The following MAGI2 variants were observed in gnomAD, a reference collection of about 807,000 sequenced individuals.
MAGI2 encodes the protein membrane-associated guanylate kinase, WW and PDZ domain-containing protein 2.
MAGI2 carries 35 observed loss-of-function variants against 133.3 expected under a neutral mutation model. That is an observed-to-expected ratio of 0.26 (90% CI 0.20 to 0.35). The LOEUF is 0.35. Ranked by LOEUF, MAGI2 falls within the 10% of genes least tolerant of loss-of-function variation. The pLI is 1.00. For synonymous variants in MAGI2, 729 were observed against 710.6 expected (o/e 1.03, Z -0.41); for missense variants, 1,636 against 1,863.4 (o/e 0.88, Z 2.25).
At chr7:78,689,252 T>G (rs1055830521) in intron 2 of MAGI2, among the ~76,000 whole-genome samples, 2 of 152,178 alleles carry the variant, frequency 1.3e-5, no homozygotes, top group African/African-American at 4.8e-5. Flanking sequence ...CTCTAGTTCA[T>G]AGATTATAAC....
chr7:78,149,296 C>T (rs1563183857), intron 16 of MAGI2, among the ~76,000 whole-genome samples: 1 of 152,108 alleles, frequency 6.6e-6, no homozygotes. Flanking sequence ...TAGGGAATGC[C>T]TAATGTATCC....
chr7:79,026,051 A>G (rs1809852843), intron 1 of MAGI2, among the ~76,000 whole-genome samples: 1 of 152,186 alleles, frequency 6.6e-6, no homozygotes, highest in African/African-American at 2.4e-5. Context: ...GGTGCATTCA[A>G]TTGTCCTTAC....
At chr7:79,451,719 C>T (rs764386029) in intron 1 of MAGI2, among the ~76,000 whole-genome samples, 15 of 152,138 alleles carry the variant, frequency 9.9e-5, no homozygotes, top group Non-Finnish European at 2.2e-4. Context: ...AGTAGTTGAT[C>T]ATGATTAAGC....
At chr7:78,994,332 G>A (rs773340484) in intron 2 of MAGI2, among the ~76,000 whole-genome samples, 10 of 152,116 alleles carry the variant, frequency 6.6e-5, no homozygotes, top group Non-Finnish European at 1.2e-4. Flanking sequence ...GAGGAGACAT[G>A]CTGCTGTTAA....
intron 6 of MAGI2, among the ~76,000 whole-genome samples, chr7:78,443,874 T>A (rs767672002): frequency 1.3e-5 from 2 of 152,128 alleles, no homozygotes; most frequent in Non-Finnish European, 2.9e-5. Context: ...ACATGACCTG[T>A]CATTCCTCTT....
chr7:79,346,473 C>T (rs1841320978), intron 1 of MAGI2, among the ~76,000 whole-genome samples: 1 of 151,922 alleles, frequency 6.6e-6, no homozygotes, highest in Admixed American at 6.6e-5. Flanking sequence ...TCCTGCTCAT[C>T]AGCCTGTTAC....
intron 1 of MAGI2, among the ~76,000 whole-genome samples, chr7:79,095,976 A>T (rs1817477850): frequency 6.6e-6 from 1 of 152,100 alleles, no homozygotes; most frequent in Admixed American, 6.5e-5. Context: ...AAAATAAGGC[A>T]TGATTGTACC....
At chr7:78,883,274 A>C (rs1236171206) in intron 2 of MAGI2, among the ~76,000 whole-genome samples, 1 of 152,060 alleles carries the variant, frequency 6.6e-6, no homozygotes, top group Non-Finnish European at 1.5e-5. Context: ...AAAACAAAAC[A>C]AAACAAAACC....
intron 2 of MAGI2, among the ~76,000 whole-genome samples, chr7:78,993,681 T>C (rs558608723): frequency 3.9e-5 from 6 of 152,098 alleles, no homozygotes; most frequent in Admixed American, 2.0e-4. Flanking sequence ...GCAACCTTCT[T>C]CTGTTGTTCT....
chr7:78,766,167 C>T (rs1825008191), intron 2 of MAGI2, among the ~76,000 whole-genome samples: 1 of 152,084 alleles, frequency 6.6e-6, no homozygotes, highest in South Asian at 2.1e-4. Context: ...CTTTATTTGG[C>T]CGGGGTTGTG....
At chr7:78,136,416 G>A (rs141415526) in intron 16 of MAGI2, among the ~76,000 whole-genome samples, 74 of 152,202 alleles carry the variant, frequency 4.9e-4, no homozygotes, top group Middle Eastern at 3.4e-3. Context: ...CACCATGCTC[G>A]GCCTATTTTC....
At chr7:78,766,331 G>A (rs1825024507) in intron 2 of MAGI2, among the ~76,000 whole-genome samples, 1 of 152,058 alleles carries the variant, frequency 6.6e-6, no homozygotes, top group South Asian at 2.1e-4. Context: ...TTGCAGGACT[G>A]GTGTATTAGA....
chr7:79,211,767 A>C lies in MAGI2; in HGVS notation c.302-204561T>G, dbSNP rs1045176098. Among the ~76,000 whole-genome samples, 6 of 152,198 alleles carry C rather than the reference A, an allele frequency of 3.9e-5. No individual in the cohort carries two copies. In the East Asian group the frequency reaches 1.2e-3, roughly 29 times the overall value. ...AATTTTGTAAAATGACACAGGTTTT[A>C]AGACTGGGTTAATAGGAGGGTGGCG... On this transcript the variant is annotated intron_variant, in intron 1 of 21. Coordinates refer to ENST00000354212, the MANE Select transcript of MAGI2 (RefSeq NM_012301.4).
At chr7:78,948,417 A>G (rs763962544) in intron 2 of MAGI2, among the ~76,000 whole-genome samples, 57 of 151,346 alleles carry the variant, frequency 3.8e-4, no homozygotes, top group Non-Finnish European at 6.6e-4. Flanking sequence ...ATTCATTTTC[A>G]TGTGAATTTT....
intron 3 of MAGI2, chr7:78,567,839 TA>T (rs1801108546): frequency 6.6e-6 from 1 of 152,216 alleles, no homozygotes; most frequent in South Asian, 2.1e-4. Flanking sequence ...TAAAACTCCC[TA>T]TGGGAAGTCC....
At chr7:79,315,895 A>C (rs931905441) in intron 1 of MAGI2, among the ~76,000 whole-genome samples, 2 of 146,548 alleles carry the variant, frequency 1.4e-5, no homozygotes, top group Admixed American at 1.4e-4. Context: ...AAAATGAAGG[A>C]GGAGTGGGAA....
chr7:79,020,418 T>C (rs1189667737), intron 1 of MAGI2, among the ~76,000 whole-genome samples: 2 of 152,062 alleles, frequency 1.3e-5, no homozygotes, highest in Non-Finnish European at 2.9e-5. Flanking sequence ...AGTGATACAA[T>C]AGAAACACCC....
intron 2 of MAGI2, among the ~76,000 whole-genome samples, chr7:78,841,742 A>T (rs1418436517): frequency 6.6e-6 from 1 of 152,054 alleles, no homozygotes; most frequent in Non-Finnish European, 1.5e-5. Context: ...TCCATGCTCC[A>T]GGTTTAAATG....
intron 1 of MAGI2, among the ~76,000 whole-genome samples, chr7:79,243,127 A>G (rs1184965818): frequency 6.6e-6 from 1 of 152,168 alleles, no homozygotes; most frequent in Non-Finnish European, 1.5e-5. Flanking sequence ...CTCTGTTTCA[A>G]AAAACAACAA....
Sources: allele counts gnomAD v4.1 joint callset (sites outside exome capture counted in the v4.1 genomes callset), GRCh38; gene constraint gnomAD v4.1.1; transcripts MANE v1.5; gene names NCBI Gene and HGNC (gene_info 2026-07-23, HGNC 2026-07-21).